Variants in DMD observed in about 807,000 individuals in gnomAD.
DMD encodes dystrophin.
Under a neutral mutation model 330.1 loss-of-function variants are expected in DMD, and 63 were observed. The ratio of observed to expected loss-of-function variants is 0.19; its 90% CI spans 0.16 to 0.24. The LOEUF (loss-of-function observed/expected upper bound fraction) is 0.24, where lower values mean the gene tolerates loss of function less well. DMD is among the 10% of genes least tolerant of loss of function. The probability of loss-of-function intolerance (pLI) is 1.00; values close to 1 mark genes in which losing one functional copy is unlikely to be tolerated. For missense variants in DMD, 3,344 were observed against 2,684.1 expected, an observed-to-expected ratio of 1.25 and a Z score of -5.43; for synonymous variants, 1,223 against 959.8, an observed-to-expected ratio of 1.27 and a Z score of -5.07.
rs7891577 is a variant in DMD at position 31,474,548 on chromosome X, C to A, written c.8937+3558G>T. On this transcript the variant is annotated intron_variant, in intron 59 of 78. Transcript: ENST00000357033. ...GAAACCCCATCTCTACTAAAAAATACAAAAAAAAAAAAATAGCTGGGCATG... is the reference window on the plus strand; with the variant it reads ...GAAACCCCATCTCTACTAAAAAATAAAAAAAAAAAAAAATAGCTGGGCATG... Among the ~76,000 whole-genome samples the A allele has an allele frequency of 3.9e-3, 349 of 90,050 alleles. 2 individuals carry two copies. Among genetic ancestry groups the A allele is most frequent in the African/African-American group, 0.014 (328 of 23,597 alleles). 78.2% of individuals were successfully genotyped at this position (90,050 alleles called of 115,157 possible).
intron 1 of DMD, among the ~76,000 whole-genome samples, chrX:33,231,285 C>T (rs1330259956): frequency 1.8e-5 from 2 of 111,350 alleles, no homozygotes; most frequent in Non-Finnish European, 3.8e-5. Context: ...GTTCCAATTT[C>T]TTCAACCCTT....
chrX:32,353,489 A>G (rs1407636753), intron 37 of DMD, among the ~76,000 whole-genome samples: 1 of 111,679 alleles, frequency 9.0e-6, no homozygotes, highest in African/African-American at 3.2e-5. Flanking sequence ...CTGATAAATC[A>G]TCTTAATTAT....
intron 47 of DMD, among the ~76,000 whole-genome samples, chrX:31,897,364 A>G (rs2094354091): frequency 9.2e-6 from 1 of 108,175 alleles, no homozygotes; most frequent in African/African-American, 3.3e-5. Context: ...GCTATTGTGA[A>G]TAGCGCCGCA....
intron 55 of DMD, among the ~76,000 whole-genome samples, chrX:31,524,234 G>A (rs1351308189): frequency 1.8e-5 from 2 of 111,682 alleles, no homozygotes; most frequent in African/African-American, 3.3e-5. Context: ...GGGAAAATAC[G>A]CCTCTGAGTC....
chrX:33,003,224 C>A (rs1569548301), intron 2 of DMD, among the ~76,000 whole-genome samples: 1 of 110,786 alleles, frequency 9.0e-6, no homozygotes, highest in Non-Finnish European at 1.9e-5. Flanking sequence ...TGAGCTCCCA[C>A]TTATGAGTGA....
At chrX:33,129,800 C>T (rs1477823601) in intron 1 of DMD, among the ~76,000 whole-genome samples, 2 of 111,393 alleles carry the variant, frequency 1.8e-5, no homozygotes, top group African/African-American at 3.3e-5. Context: ...ATTAGCAGTG[C>T]TACTAAGTGA....
intron 7 of DMD, among the ~76,000 whole-genome samples, chrX:32,804,355 T>G (rs747544931): frequency 1.8e-5 from 2 of 112,205 alleles, no homozygotes; most frequent in Non-Finnish European, 3.8e-5. Flanking sequence ...ACAAAGTCGC[T>G]GGGAAGTTCA....
intron 4 of DMD, among the ~76,000 whole-genome samples, chrX:32,839,798 G>C (rs1301329260): frequency 9.1e-6 from 1 of 109,829 alleles, no homozygotes; most frequent in Non-Finnish European, 1.9e-5. Context: ...TGCAACCTCT[G>C]CTCCCAGGTT....
Position 32,595,858 on chromosome X carries a change from C to T in DMD, c.1501G>A (p.Glu501Lys). 8.3e-7 allele frequency: 1 copy of T among 1,197,615 alleles called. No individual in the cohort carries two copies. Among genetic ancestry groups the T allele is most frequent in the Non-Finnish European group, 1.1e-6 (1 of 882,884 alleles). ...QQHKVLQEDL[E>K]QEQVRVNSLT... ...GAATTGACCCTGACTTGTTCTTGTTCTAGATCTTCTTGAAGCACCTGAAAG... is the reference window on the plus strand; with the variant it reads ...GAATTGACCCTGACTTGTTCTTGTTTTAGATCTTCTTGAAGCACCTGAAAG... Residue 501 changes from glutamate to lysine, a missense_variant, in exon 13 of 79, where the codon GAA (glutamate) becomes AAA (lysine). Coordinates refer to ENST00000357033, the MANE Select transcript of DMD (RefSeq NM_004006.3).
At chrX:31,991,707 CAT>C (rs1330030387) in intron 44 of DMD, among the ~76,000 whole-genome samples, 8 of 98,553 alleles carry the variant, frequency 8.1e-5, no homozygotes, top group Middle Eastern at 5.2e-3. Context: ...GATTTTGACA[CAT>C]GAGAGGAATA....
chrX:33,249,978 T>G (rs2052742546), intron 1 of DMD, among the ~76,000 whole-genome samples: 1 of 108,014 alleles, frequency 9.3e-6, no homozygotes, highest in Admixed American at 1.0e-4. Context: ...GTTGGATTTA[T>G]TTTTTTCTTT....
intron 78 of DMD, among the ~76,000 whole-genome samples, chrX:31,122,999 C>CT (rs1478231912): frequency 1.8e-5 from 2 of 111,575 alleles, no homozygotes; most frequent in African/African-American, 6.5e-5. Context: ...AAATGCTTTA[C>CT]TAGGCTATTA....
intron 7 of DMD, among the ~76,000 whole-genome samples, chrX:32,791,451 C>A (rs1035145894): frequency 6.3e-5 from 7 of 111,997 alleles, no homozygotes; most frequent in Non-Finnish European, 9.4e-5. Flanking sequence ...AAGACTGGAC[C>A]ACTTGGTGTC....
At chrX:32,837,384 A>G (rs2079746881) in intron 4 of DMD, among the ~76,000 whole-genome samples, 1 of 111,517 alleles carries the variant, frequency 9.0e-6, no homozygotes, top group Non-Finnish European at 1.9e-5. Context: ...ACTTCTCTCA[A>G]CTTCACCAGG....
intron 60 of DMD, among the ~76,000 whole-genome samples, chrX:31,350,666 A>G (rs1049362256): frequency 9.5e-6 from 1 of 105,434 alleles, no homozygotes; most frequent in African/African-American, 3.5e-5. Context: ...AGAGAAGAGA[A>G]GAGAAGCGAT....
At chrX:32,731,039 G>A (rs1227063603) in intron 7 of DMD, among the ~76,000 whole-genome samples, 1 of 111,557 alleles carries the variant, frequency 9.0e-6, no homozygotes, top group Non-Finnish European at 1.9e-5. Context: ...AGTGGGCGCA[G>A]CTCAGTGGGT....
chrX:32,351,804 G>T (rs2097782628), intron 37 of DMD, among the ~76,000 whole-genome samples: 3 of 110,204 alleles, frequency 2.7e-5, no homozygotes, highest in Admixed American at 1.9e-4. Flanking sequence ...TATATTAACT[G>T]CTGCCCAAAT....
chrX:31,968,343 T>G lies in DMD; in HGVS notation c.6610A>C (p.Lys2204Gln). The G allele has an allele frequency of 1.7e-6, 2 of 1,210,510 alleles. No homozygotes were observed. Among genetic ancestry groups the G allele is most frequent in the Non-Finnish European group, 2.2e-6 (2 of 894,663 alleles). Residue 2204 changes from lysine to glutamine, a missense_variant, in exon 45 of 79, where the codon AAG (lysine) becomes CAG (glutamine). Lys to Gln is a moderately conservative substitution (Grantham distance 53, BLOSUM62 1). Coordinates refer to ENST00000357033, the MANE Select transcript of DMD (RefSeq NM_004006.3). Reference protein sequence around the residue: ...EVCKQLSDRKKRLEEQKNILS... With the variant: ...EVCKQLSDRKQRLEEQKNILS... ...CTATTAGATCTGTCGCCCTACCTCT[T>G]TTTTCTGTCTGACAGCTGTTTGCAG...
At chrX:32,824,745 T>A (rs759058668) in intron 4 of DMD, among the ~76,000 whole-genome samples, 1 of 112,268 alleles carries the variant, frequency 8.9e-6, no homozygotes, top group Non-Finnish European at 1.9e-5. Context: ...AATACACACA[T>A]ATGCATGCAC....
Sources: allele counts gnomAD v4.1 joint callset (sites outside exome capture counted in the v4.1 genomes callset), GRCh38; gene constraint gnomAD v4.1.1; transcripts MANE v1.5; gene names NCBI Gene and HGNC (gene_info 2026-07-23, HGNC 2026-07-21).